Variants in LSAMP observed in about 807,000 individuals in gnomAD.
The protein encoded by LSAMP is limbic system associated membrane protein.
In LSAMP, 7 loss-of-function variants were observed where a neutral mutation model predicts 38.6. That is an observed-to-expected ratio of 0.18 (90% confidence interval 0.10 to 0.34). The LOEUF (loss-of-function observed/expected upper bound fraction) is 0.34. Ranked by LOEUF, LSAMP falls within the 10% of genes least tolerant of loss-of-function variation. The probability of loss-of-function intolerance (pLI) is 1.00; values close to 1 mark genes in which losing one functional copy is unlikely to be tolerated. For missense variants in LSAMP, 313 were observed against 420.0 expected (o/e 0.75, Z 2.23); for synonymous variants, 154 against 166.8 (o/e 0.92, Z 0.59).
intron 1 of LSAMP, among the ~76,000 whole-genome samples, chr3:116,278,625 T>G (rs1329016689): frequency 1.3e-5 from 2 of 152,318 alleles, no homozygotes; most frequent in East Asian, 3.9e-4. Context: ...GTGACATAAC[T>G]GTGGCCTTAG....
chr3:115,870,908 TG>T (rs1325969193), intron 3 of LSAMP, among the ~76,000 whole-genome samples: 1 of 152,102 alleles, frequency 6.6e-6, no homozygotes, highest in African/African-American at 2.4e-5. Flanking sequence ...GCATTTCTTT[TG>T]CTTGCTGGGG....
At chr3:115,834,558 T>C (rs1325449594) in intron 6 of LSAMP, 12 of 1,283,144 alleles carry the variant, frequency 9.4e-6, no homozygotes, top group Non-Finnish European at 1.0e-5. Context: ...AAAATCATAC[T>C]GACCTTGAAT....
intron 3 of LSAMP, among the ~76,000 whole-genome samples, chr3:116,008,258 G>A (rs915844025): frequency 1.3e-5 from 2 of 152,214 alleles, no homozygotes; most frequent in Non-Finnish European, 2.9e-5. Context: ...CAGACGGAAA[G>A]TAGAGGGTTT....
At chr3:116,079,464 A>G (rs2107405545) in intron 2 of LSAMP, among the ~76,000 whole-genome samples, 1 of 152,198 alleles carries the variant, frequency 6.6e-6, no homozygotes, top group Middle Eastern at 3.4e-3. Flanking sequence ...GGTCACTGGC[A>G]AACATAGTGA....
At chr3:116,344,733 G>A (rs1050125852) in intron 1 of LSAMP, among the ~76,000 whole-genome samples, 7 of 152,180 alleles carry the variant, frequency 4.6e-5, no homozygotes, top group African/African-American at 1.7e-4. Flanking sequence ...AACCCAAAGA[G>A]GTTAAGTATT....
At chr3:116,241,974 T>C (rs1290290018) in intron 1 of LSAMP, among the ~76,000 whole-genome samples, 1 of 151,498 alleles carries the variant, frequency 6.6e-6, no homozygotes, top group Non-Finnish European at 1.5e-5. Flanking sequence ...TTCCCGGAAA[T>C]ATGACATAAC....
chr3:116,186,073 A>G (rs538205959), intron 1 of LSAMP, among the ~76,000 whole-genome samples: 1 of 152,228 alleles, frequency 6.6e-6, no homozygotes, highest in Non-Finnish European at 1.5e-5. Flanking sequence ...TGAAATGTGG[A>G]AAATGAAGGA....
At chr3:116,031,040 T>G (rs577499132) in intron 2 of LSAMP, among the ~76,000 whole-genome samples, 23 of 152,132 alleles carry the variant, frequency 1.5e-4, no homozygotes, top group Non-Finnish European at 2.6e-4. Context: ...AAAAATTGAA[T>G]GTGAGGAAAT....
In LSAMP at chr3:116,172,964, A is replaced by G. The variant is rs554161527; in HGVS notation, c.156-86408T>C. On this transcript the variant is annotated intron_variant, in intron 1 of 6. Transcript: ENST00000490035. ...AATGATAGAATGAGAGAAAAAAAAGAGTCCCACCTTCTCAAATAAAACACA... is the reference window on the plus strand; with the variant it reads ...AATGATAGAATGAGAGAAAAAAAAGGGTCCCACCTTCTCAAATAAAACACA... 3.3e-5 allele frequency among the ~76,000 whole-genome samples: 5 copies of G among 152,132 alleles called. No homozygotes were observed. The South Asian group carries it at 1.0e-3, about 31-fold the overall frequency.
At chr3:116,084,636 T>C (rs190973376) in intron 2 of LSAMP, among the ~76,000 whole-genome samples, 6 of 152,226 alleles carry the variant, frequency 3.9e-5, no homozygotes, top group Non-Finnish European at 8.8e-5. Flanking sequence ...AGTGCTCAGA[T>C]TGTCAAATTT....
rs943068913 is a variant in LSAMP at position 116,076,381 on chromosome 3, C to T, written c.388+9943G>A. 2.6e-5 allele frequency among the ~76,000 whole-genome samples: 4 copies of T among 152,104 alleles called. No individual in the cohort carries two copies. In the East Asian group the frequency reaches 7.7e-4, roughly 29 times the overall value. ...CACACCATTCTCCTGCCTCAGCCTCCCGAGTAGCTGGGACTATAGGAGCCC... is the reference window on the plus strand; with the variant it reads ...CACACCATTCTCCTGCCTCAGCCTCTCGAGTAGCTGGGACTATAGGAGCCC... On this transcript the variant is annotated intron_variant, in intron 2 of 6. Coordinates refer to ENST00000490035, the MANE Select transcript of LSAMP (RefSeq NM_002338.5).
intron 1 of LSAMP, among the ~76,000 whole-genome samples, chr3:116,411,064 A>AT (rs2048969060): frequency 6.6e-6 from 1 of 152,110 alleles, no homozygotes; most frequent in East Asian, 1.9e-4. Context: ...TGCAAATTCA[A>AT]ACCACAATGA....
At chr3:116,136,393 GT>G (rs763937264) in intron 1 of LSAMP, among the ~76,000 whole-genome samples, 1 of 152,064 alleles carries the variant, frequency 6.6e-6, no homozygotes, top group Non-Finnish European at 1.5e-5. Flanking sequence ...GTGCACAGAT[GT>G]CAACCCAGGC....
Position 116,197,847 on chromosome 3 carries a change from C to T in LSAMP, c.156-111291G>A, listed in dbSNP as rs112824553. On this transcript the variant is annotated intron_variant, in intron 1 of 6. Coordinates refer to ENST00000490035, the MANE Select transcript of LSAMP (RefSeq NM_002338.5). ...AGTAGTGGGCAAACACATTTATGGACAACTTTATTATAATAGGATGTATAG... is the reference window on the plus strand; with the variant it reads ...AGTAGTGGGCAAACACATTTATGGATAACTTTATTATAATAGGATGTATAG... Among the ~76,000 whole-genome samples, 777 of 151,976 alleles carry T rather than the reference C, an allele frequency of 5.1e-3. 11 individuals are homozygous for T. The highest frequency in any genetic ancestry group is 0.018 in the African/African-American group (731 of 41,446).
At chr3:116,207,712 T>C (rs1303615837) in intron 1 of LSAMP, among the ~76,000 whole-genome samples, 1 of 151,466 alleles carries the variant, frequency 6.6e-6, no homozygotes, top group Non-Finnish European at 1.5e-5. Context: ...TTCTTTTCTT[T>C]AAGAATGTTG....
intron 1 of LSAMP, among the ~76,000 whole-genome samples, chr3:116,307,488 T>A (rs2047499097): frequency 6.6e-6 from 1 of 151,974 alleles, no homozygotes. Context: ...AGAGTGCATT[T>A]AGTATGTGCT....
chr3:116,191,021 C>G (rs997372093), intron 1 of LSAMP, among the ~76,000 whole-genome samples: 62 of 152,114 alleles, frequency 4.1e-4, no homozygotes, highest in Non-Finnish European at 4.4e-4. Context: ...CATTGGTTGT[C>G]ACACTGTAGT....
In LSAMP at chr3:115,988,190, CA is replaced by C. The variant is rs561270349; in HGVS notation, c.514+31324del. On this transcript the variant is annotated intron_variant, in intron 3 of 6. Coordinates refer to ENST00000490035, the MANE Select transcript of LSAMP (RefSeq NM_002338.5). ...TTCTTAATGTTTGAGATAACAAAAT[CA>C]CATGCAAATTTTCATTACAATGCTT... 6.6e-5 allele frequency among the ~76,000 whole-genome samples: 10 copies of C among 152,214 alleles called. No individual in the cohort carries two copies. The South Asian group carries it at 2.1e-3, about 32-fold the overall frequency.
chr3:115,966,985 A>G (rs1049186806), intron 3 of LSAMP, among the ~76,000 whole-genome samples: 3 of 152,196 alleles, frequency 2.0e-5, no homozygotes, highest in Admixed American at 2.0e-4. Context: ...CTTTAAAGAT[A>G]TAGGTAAGGT....
Sources: gnomAD v4.1 joint callset for allele counts (sites outside exome capture counted in the v4.1 genomes callset) on GRCh38, gnomAD v4.1.1 for gene constraint, MANE v1.5 for transcripts, NCBI Gene and HGNC (gene_info 2026-07-23, HGNC 2026-07-21) for gene names.